DNAH2: variants seen among roughly 807,000 people sequenced by gnomAD.
DNAH2 encodes the protein dynein axonemal heavy chain 2.
In DNAH2, 323 loss-of-function variants were observed where a neutral mutation model predicts 523.5. That is an observed-to-expected ratio of 0.62 (90% confidence interval 0.56 to 0.68). The LOEUF (loss-of-function observed/expected upper bound fraction) is 0.68, where lower values mean the gene tolerates loss of function less well. Ranked by LOEUF, DNAH2 falls within the 30% of genes least tolerant of loss-of-function variation. The pLI is 0.00. For missense variants in DNAH2, 4,907 were observed against 5,701.5 expected (o/e 0.86, Z 4.49); for synonymous variants, 2,093 against 2,177.4 (o/e 0.96, Z 1.08).
At position 7,821,126 on chromosome 17, in the gene DNAH2, T is replaced by A. The variant is rs565311237; in HGVS notation, c.11016-117T>A. On this transcript the variant is annotated intron_variant, in intron 72 of 85. Coordinates refer to ENST00000572933, the MANE Select transcript of DNAH2 (RefSeq NM_020877.5). The surrounding 1 kb of genome is among the most constrained non-coding windows in gnomAD (Gnocchi z 5.0). ...TCAGCTGTTTCCAGGAGGTTAGGAT[T>A]AGAGGCTGGTGAGGTCCTCTGTGTG... is the stretch of plus-strand genomic sequence containing the variant. The A allele has an allele frequency of 7.1e-7, 1 of 1,415,304 alleles. No individual in the cohort carries two copies. Among genetic ancestry groups the A allele is most frequent in the South Asian group, 1.5e-5 (1 of 68,238 alleles). The allele number at this position is 1,415,304 out of a possible 1,614,324, so 87.7% of individuals were successfully genotyped here.
At position 7,778,508 on chromosome 17, in the gene DNAH2, T is replaced by C. The variant is rs150842459; in HGVS notation, c.5541+39T>C. The stretch of plus-strand genomic sequence containing the variant: ...CACCCTGTGCCAGAAGCCCCTTAAA[T>C]ACCTTTTCGTCCCAGAAAATAAACT... On this transcript the variant is annotated intron_variant, in intron 35 of 85. Coordinates refer to ENST00000572933, the MANE Select transcript of DNAH2 (RefSeq NM_020877.5). 3,677 of 1,549,730 alleles carry C rather than the reference T, an allele frequency of 2.4e-3. 5 individuals carry two copies. The highest frequency in any genetic ancestry group is 3.0e-3 in the Non-Finnish European group (3,424 of 1,146,680).
rs1321130037 is a variant in DNAH2, at chr17:7,807,049, CCAGG to C, written c.9443-100_9443-97del. The C allele has an allele frequency of 7.0e-7, 1 of 1,432,712 alleles. No individual in the cohort carries two copies. Among genetic ancestry groups the C allele is most frequent in the Non-Finnish European group, 9.4e-7 (1 of 1,061,314 alleles). The allele number at this position is 1,432,712 out of a possible 1,614,324, so 88.7% of individuals were successfully genotyped here. A position where few individuals can be genotyped will look rare whatever the true frequency, so the allele number is the denominator to read the frequency against. On this transcript the variant is annotated intron_variant, in intron 61 of 85. Transcript: ENST00000572933. The surrounding 1 kb of genome is among the most constrained non-coding windows in gnomAD (Gnocchi z 5.6). ...GATAATTTGGCCTTAGGAACTGAGC[CCAGG>C]AAAAATGTGGCTATGCGTGAGTAGT... is the stretch of plus-strand genomic sequence containing the variant.
At chr17:7,792,379 G>A (rs767401931) in intron 46 of DNAH2, 36 bp downstream of exon 46, 26 of 1,601,042 alleles carry the variant, frequency 1.6e-5, no homozygotes, top group Non-Finnish European at 2.1e-5. Context: ...AGGGCATGGG[G>A]CAGCGGTAGG....
Position 7,770,402 on chromosome 17 carries a change from A to G in DNAH2, c.4092A>G (p.Ile1364Met), listed in dbSNP as rs1388095066. ...CTTCAGCAACTAAAGAGCTGGCTAT[A>G]GAAGTGGTACGACAGTCCCCTCCCA... ...ISASATKELAIEVALQNIAKT... is the reference protein window; with the variant it reads ...ISASATKELAMEVALQNIAKT... Residue 1364 changes from isoleucine (I) to methionine (M), a missense_variant, in exon 25 of 86, where the codon ATA (isoleucine) becomes ATG (methionine). Transcript: ENST00000572933. The G allele has an allele frequency of 1.2e-6, 2 of 1,612,932 alleles. No individual in the cohort carries two copies. Among genetic ancestry groups the G allele is most frequent in the South Asian group, 1.1e-5 (1 of 90,864 alleles).
intron 85 of DNAH2, 45 bp downstream of exon 85, chr17:7,833,266 T>G (rs1274778846): frequency 6.2e-7 from 1 of 1,607,088 alleles, no homozygotes. Flanking sequence ...CGTCCCTAGT[T>G]TGGAACTTAA....
chr17:7,829,749 G>A (rs989763664), intron 77 of DNAH2, among the ~76,000 whole-genome samples: 6 of 152,006 alleles, frequency 3.9e-5, no homozygotes, highest in African/African-American at 1.4e-4. Flanking sequence ...GGATGGCTGG[G>A]TGCGGTGGCT....
In DNAH2 at chr17:7,808,047, G is replaced by A. The variant is rs117578992; in HGVS notation, c.9729+461G>A. Among the ~76,000 whole-genome samples, 444 of 152,312 alleles carry A rather than the reference G, an allele frequency of 2.9e-3. 20 individuals are homozygous for A. In the East Asian group the frequency reaches 0.074, roughly 26 times the overall value. On this transcript the variant is annotated intron_variant, in intron 63 of 85. Transcript: ENST00000572933. ...CCAAGTGGGTTAGTTACCGTGAGGA[G>A]TCTGGGCAACCCAGGCGATCTCCTG...
intron 8 of DNAH2, chr17:7,738,819 G>A (rs558184100): frequency 8.5e-6 from 5 of 589,524 alleles, no homozygotes; most frequent in East Asian, 5.6e-5. Flanking sequence ...GTTGTTTCTC[G>A]GGGTCTGATT....
intron 2 of DNAH2, among the ~76,000 whole-genome samples, chr17:7,722,656 C>CT (rs57420273): frequency 0.28 from 42,541 of 151,976 alleles, 7,086 homozygotes; most frequent in Non-Finnish European, 0.38. Context: ...TCATGACTGG[C>CT]TTTTTTCACT....
Position 7,754,147 on chromosome 17 carries a change from A to C in DNAH2, c.1905-2944A>C, listed in dbSNP as rs1183126138. On this transcript the variant is annotated intron_variant, in intron 12 of 85. Transcript: ENST00000572933. This position sits in a 1 kb window ranked among gnomAD's most constrained non-coding sequence, Gnocchi z 4.6. ...ATCTGTGGACGACATTCTTTAAAGC[A>C]GGCAGGCCGTGAAGGGGAGGACAGG... 6.6e-6 allele frequency among the ~76,000 whole-genome samples: 1 copy of C among 152,134 alleles called. No individual in the cohort carries two copies. Among genetic ancestry groups the C allele is most frequent in the Non-Finnish European group, 1.5e-5 (1 of 68,022 alleles).
chr17:7,831,478 C>A lies in DNAH2; in HGVS notation c.12548C>A (p.Ser4183Tyr). The A allele has an allele frequency of 2.5e-6, 4 of 1,614,156 alleles. No individual in the cohort carries two copies. Among genetic ancestry groups the A allele is most frequent in the Non-Finnish European group, 3.4e-6 (4 of 1,180,026 alleles). The change falls in exon 81 of 86, where the codon TCC (serine) becomes TAC (tyrosine). Residue 4183 changes from serine (S) to tyrosine (Y), a missense_variant. Ser to Tyr is a moderately radical substitution (Grantham distance 144). Transcript: ENST00000572933. This position sits in a 1 kb window ranked among gnomAD's most constrained non-coding sequence, Gnocchi z 4.2. Reference protein sequence around the residue: ...GTQKLLALDPSPLNVVLLQEI... With the variant: ...GTQKLLALDPYPLNVVLLQEI... ...CAAAAACTGCTAGCTCTCGACCCCTCCCCCCTCAATGTGGTCCTTCTGCAG... is the reference window on the plus strand; with the variant it reads ...CAAAAACTGCTAGCTCTCGACCCCTACCCCCTCAATGTGGTCCTTCTGCAG...
rs374053792 is a variant in DNAH2 at position 7,786,779 on chromosome 17, G to T, written c.6466+92G>T. Reference sequence around the variant, plus strand: ...GGATAGGAAGTTCCAAGTTGGGAGAGAAATGCCTGGGGAATGCTGAAGTAC... The same window carrying T: ...GGATAGGAAGTTCCAAGTTGGGAGATAAATGCCTGGGGAATGCTGAAGTAC... On this transcript the variant is annotated intron_variant, in intron 41 of 85. Coordinates refer to ENST00000572933, the MANE Select transcript of DNAH2 (RefSeq NM_020877.5). The surrounding 1 kb of genome is among the most constrained non-coding windows in gnomAD (Gnocchi z 7.5). The T allele has an allele frequency of 6.3e-7, 1 of 1,597,908 alleles. No individual in the cohort carries two copies. The highest frequency in any genetic ancestry group is 8.6e-7 in the Non-Finnish European group (1 of 1,168,704).
chr17:7,788,051 G>T (rs762944628), intron 43 of DNAH2, 35 bp from the exon 44 acceptor site: 3 of 1,613,750 alleles, frequency 1.9e-6, no homozygotes, highest in Non-Finnish European at 2.5e-6. Flanking sequence ...CAGGACACAA[G>T]GGTGAATGAA....
chr17:7,817,145 G>C (rs911935500), intron 64 of DNAH2, 145 bp from the exon 65 acceptor site: 2 of 1,124,606 alleles, frequency 1.8e-6, no homozygotes, highest in Non-Finnish European at 2.4e-6. Context: ...AACCAGGCTA[G>C]AGTTGTCAGG....
At chr17:7,721,615 C>T (rs1339698795) in intron 2 of DNAH2, among the ~76,000 whole-genome samples, 1 of 152,222 alleles carries the variant, frequency 6.6e-6, no homozygotes, top group African/African-American at 2.4e-5. Flanking sequence ...GCCTCTGTGC[C>T]TCATTCCCCT....
chr17:7,817,439 A>T, intron 65 of DNAH2, 24 bp downstream of exon 65: 8 of 1,613,786 alleles, frequency 5.0e-6, no homozygotes, highest in Non-Finnish European at 6.8e-6. Flanking sequence ...CAGGCATGAC[A>T]AGTAGGCTCC....
chr17:7,738,311 C>CT (rs762291919), intron 8 of DNAH2, among the ~76,000 whole-genome samples: 8 of 151,942 alleles, frequency 5.3e-5, no homozygotes, highest in Non-Finnish European at 1.0e-4. Context: ...CTGGCTTCTC[C>CT]TTTTTTGTTT....
At chr17:7,818,494 G>A in intron 69 of DNAH2, 34 bp downstream of exon 69, 1 of 1,611,736 alleles carries the variant, frequency 6.2e-7, no homozygotes, top group East Asian at 2.2e-5. Flanking sequence ...CTGAGCTAGG[G>A]TGAAGCAGGA....
chr17:7,814,587 G>T (rs145891232), intron 63 of DNAH2, among the ~76,000 whole-genome samples: 31 of 152,342 alleles, frequency 2.0e-4, no homozygotes, highest in African/African-American at 5.3e-4. Context: ...AAAGTAGTTT[G>T]CCATGGTTGG....
Sources: gnomAD v4.1 joint callset for allele counts (sites outside exome capture counted in the v4.1 genomes callset) on GRCh38, gnomAD v4.1.1 for gene constraint, Gnocchi (gnomAD v3.1) non-coding constraint, MANE v1.5 for transcripts, NCBI Gene and HGNC (gene_info 2026-07-23, HGNC 2026-07-21) for gene names.